Variants in DUXA observed in about 807,000 individuals in gnomAD.
DUXA encodes double homeobox protein A.
In DUXA, 25 loss-of-function variants were observed where a neutral mutation model predicts 27.5. The ratio of observed to expected loss-of-function variants is 0.91; its 90% CI spans 0.66 to 1.27. The LOEUF (loss-of-function observed/expected upper bound fraction) is 1.27. Ranked by LOEUF, DUXA falls within the 50% of genes most tolerant of loss-of-function variation. The pLI is 0.00. For synonymous variants in DUXA, 90 were observed against 80.5 expected (o/e 1.12, Z -0.63); for missense variants, 247 against 242.9 (o/e 1.02, Z -0.11).
intron 4 of DUXA, 96 bp downstream of exon 4, chr19:57,158,231 GC>G: frequency 1.4e-6 from 2 of 1,413,536 alleles, no homozygotes; most frequent in Non-Finnish European, 2.0e-6. Flanking sequence ...CCTGAAATGT[GC>G]CCAGCATGAT....
chr19:57,159,118 C>T, intron 3 of DUXA, 49 bp downstream of exon 3: 1 of 1,533,412 alleles, frequency 6.5e-7, no homozygotes. Flanking sequence ...GCAGTTGGCT[C>T]CGCCGTAGAG....
chr19:57,160,353 T>TA (rs1324098251), intron 2 of DUXA, among the ~76,000 whole-genome samples: 1 of 152,236 alleles, frequency 6.6e-6, no homozygotes, highest in Non-Finnish European at 1.5e-5. Context: ...TATTAATATT[T>TA]AATTGGTAAA....
intron 5 of DUXA, among the ~76,000 whole-genome samples, chr19:57,155,034 T>C (rs2086985429): frequency 6.6e-6 from 1 of 152,256 alleles, no homozygotes; most frequent in African/African-American, 2.4e-5. Flanking sequence ...AACAGTGAAT[T>C]TGTATCCATG....
intron 1 of DUXA, among the ~76,000 whole-genome samples, chr19:57,164,499 C>T (rs1484363232): frequency 2.6e-5 from 4 of 152,052 alleles, no homozygotes; most frequent in Non-Finnish European, 4.4e-5. Context: ...CGCTTGAACC[C>T]GGGAGGCAGA....
At position 57,161,324 on chromosome 19, in the gene DUXA, C is replaced by CAAAAAAAAAAAAAAAAAAAA. The variant is rs71186230; in HGVS notation, c.26-528_26-527insTTTTTTTTTTTTTTTTTTTT. Among the ~76,000 whole-genome samples the CAAAAAAAAAAAAAAAAAAAA allele has an allele frequency of 1.5e-4, 7 of 47,378 alleles. 1 individual carries two copies. The highest frequency in any genetic ancestry group is 7.0e-4 in the African/African-American group (5 of 7,098). The allele number at this position is 47,378 out of a possible 152,430, so 31.1% of individuals were successfully genotyped here. ...TGGGTAACAGAGTGAGACTCTATCT[C>CAAAAAAAAAAAAAAAAAAAA]AAAAAAAAAAAAAAAAAAACTGGGC... On this transcript the variant is annotated intron_variant, in intron 1 of 5. Coordinates refer to ENST00000554048, the MANE Select transcript of DUXA (RefSeq NM_001012729.2).
At chr19:57,156,840 A>G (rs1242184829) in intron 4 of DUXA, among the ~76,000 whole-genome samples, 1 of 152,028 alleles carries the variant, frequency 6.6e-6, no homozygotes, top group Non-Finnish European at 1.5e-5. Flanking sequence ...AAATTTTTGT[A>G]TTTTTAGTAG....
intron 3 of DUXA, among the ~76,000 whole-genome samples, chr19:57,158,769 G>T (rs2122691472): frequency 6.6e-6 from 1 of 152,302 alleles, no homozygotes. Context: ...CAGATCACAA[G>T]GTCAGGAGTT....
Position 57,154,244 on chromosome 19 carries a change from T to C in DUXA, c.*168A>G. Reference sequence around the variant, plus strand: ...CTCAAGCAATCTTCCTGCCTTGGCCTCCCAAAGTAGTGGGATTACAAGTGT... The same window carrying C: ...CTCAAGCAATCTTCCTGCCTTGGCCCCCCAAAGTAGTGGGATTACAAGTGT... On this transcript the variant is annotated 3_prime_UTR_variant, in exon 6 of 6. Coordinates refer to ENST00000554048, the MANE Select transcript of DUXA (RefSeq NM_001012729.2). 3.4e-6 allele frequency: 2 copies of C among 587,732 alleles called. No homozygotes were observed. The highest frequency in any genetic ancestry group is 5.9e-6 in the Non-Finnish European group (2 of 336,422). 36.4% of individuals were successfully genotyped at this position (587,732 alleles called of 1,614,324 possible). A position where few individuals can be genotyped will look rare whatever the true frequency, so the allele number is the denominator to read the frequency against.
At chr19:57,161,549 G>A (rs942731011) in intron 1 of DUXA, among the ~76,000 whole-genome samples, 4 of 151,326 alleles carry the variant, frequency 2.6e-5, no homozygotes, top group Admixed American at 2.0e-4. Context: ...CGTGAACCCG[G>A]GAGGCGGAGC....
chr19:57,160,800 G>T lies in DUXA; in HGVS notation c.26-3C>A, dbSNP rs200573156. 820 of 1,613,440 alleles carry T rather than the reference G, an allele frequency of 5.1e-4. 4 individuals carry two copies. The highest frequency in any genetic ancestry group is 4.9e-4 in the Middle Eastern group (3 of 6,062). ...CCTATGATTTGTTTTTACCATCTCT[G>T]TAGGAAGATTACAAAAGAAGAAGCA... On this transcript the variant is annotated splice_polypyrimidine_tract_variant and splice_region_variant and intron_variant, in intron 1 of 5. Coordinates refer to ENST00000554048, the MANE Select transcript of DUXA (RefSeq NM_001012729.2).
At chr19:57,167,332 C>G in intron 1 of DUXA, 87 bp downstream of exon 1, 1 of 1,548,532 alleles carries the variant, frequency 6.5e-7, no homozygotes, top group Non-Finnish European at 8.9e-7. Flanking sequence ...AAATGGAACT[C>G]TCACAACTTC....
chr19:57,154,910 A>G (rs1347094169), intron 5 of DUXA, among the ~76,000 whole-genome samples: 1 of 152,166 alleles, frequency 6.6e-6, no homozygotes, highest in East Asian at 1.9e-4. Flanking sequence ...TGGGAAAGCC[A>G]TGCCCCCGCT....
At chr19:57,165,380 A>G (rs2087048438) in intron 1 of DUXA, among the ~76,000 whole-genome samples, 1 of 145,652 alleles carries the variant, frequency 6.9e-6, no homozygotes, top group Non-Finnish European at 1.5e-5. Context: ...ACTGAATTCT[A>G]ATTTCTAACA....
intron 5 of DUXA, 59 bp downstream of exon 5, chr19:57,155,208 A>T: frequency 6.7e-7 from 1 of 1,484,214 alleles, no homozygotes; most frequent in Non-Finnish European, 9.4e-7. Context: ...ACCATGACGA[A>T]GCACTGGACA....
At chr19:57,160,155 C>T (rs1430398955) in intron 2 of DUXA, among the ~76,000 whole-genome samples, 1 of 152,078 alleles carries the variant, frequency 6.6e-6, no homozygotes, top group East Asian at 1.9e-4. Flanking sequence ...TCCCAGCTAT[C>T]TGGGAAGCTG....
Position 57,160,631 on chromosome 19 carries a change from A to G in DUXA, c.180+12T>C, listed in dbSNP as rs1803190661. 2 of 1,611,580 alleles carry G rather than the reference A, an allele frequency of 1.2e-6. No homozygotes were observed. The highest frequency in any genetic ancestry group is 2.7e-5 in the African/African-American group (2 of 74,868). On this transcript the variant is annotated intron_variant, in intron 2 of 5. Transcript: ENST00000554048. ...TTACTTCCAGTCCTGGAGATATTGA[A>G]CTTTAACTTACCTGGATTCTGGACT...
In DUXA at chr19:57,154,349, G is replaced by T. The variant is rs2086979731; in HGVS notation, c.*63C>A. On this transcript the variant is annotated 3_prime_UTR_variant, in exon 6 of 6. Transcript: ENST00000554048. ...TTTCAGCAGAAGGATAGACTCCCAG[G>T]AAGACCGTGAGACAGATTTGGGGTC... 21 of 1,479,174 alleles carry T rather than the reference G, an allele frequency of 1.4e-5. No homozygotes were observed. In the South Asian group the frequency reaches 2.4e-4, roughly 17 times the overall value. The allele number at this position is 1,479,174 out of a possible 1,614,324, so 91.6% of individuals were successfully genotyped here. A position where few individuals can be genotyped will look rare whatever the true frequency, so the allele number is the denominator to read the frequency against.
chr19:57,165,416 T>C (rs893081689), intron 1 of DUXA, among the ~76,000 whole-genome samples: 1 of 150,300 alleles, frequency 6.7e-6, no homozygotes, highest in Non-Finnish European at 1.5e-5. Context: ...ACAACAAACA[T>C]TCACTTCCAG....
At chr19:57,163,545 G>C (rs2087035468) in intron 1 of DUXA, among the ~76,000 whole-genome samples, 1 of 152,018 alleles carries the variant, frequency 6.6e-6, no homozygotes. Context: ...CTGGGTTCAA[G>C]TGATTCCCCT....
Sources: gnomAD v4.1 joint callset for allele counts (sites outside exome capture counted in the v4.1 genomes callset) on GRCh38, gnomAD v4.1.1 for gene constraint, MANE v1.5 for transcripts, NCBI Gene and HGNC (gene_info 2026-07-23, HGNC 2026-07-21) for gene names.